The following ABCA2 variants were observed in gnomAD, a reference collection of about 807,000 sequenced individuals.
ABCA2 encodes the protein ATP-binding cassette sub-family A member 2.
Under a neutral mutation model 262.8 loss-of-function variants are expected in ABCA2, and 84 were observed. That is an observed-to-expected ratio of 0.32 (90% confidence interval 0.27 to 0.38). The LOEUF is 0.38. Among genes scored for constraint, ABCA2 ranks in the 10% least tolerant of loss-of-function variants. The pLI is 1.00. For synonymous variants in ABCA2, 1,696 were observed against 1,502.9 expected, an observed-to-expected ratio of 1.13 and a Z score of -2.97; for missense variants, 2,662 against 3,405.9, an observed-to-expected ratio of 0.78 and a Z score of 5.44.
chr9:137,023,259 C>A, intron 3 of ABCA2: 1 of 631,016 alleles, frequency 1.6e-6, no homozygotes, highest in Non-Finnish European at 2.9e-6. Flanking sequence ...TCCAGCAGGT[C>A]AGAGGTCAAA....
chr9:137,015,940 G>GCAC, intron 22 of ABCA2, 22 bp downstream of exon 22: 1 of 1,053,452 alleles, frequency 9.5e-7, no homozygotes, highest in South Asian at 3.2e-5. Flanking sequence ...CACCTGCCCC[G>GCAC]CCCCCCGCCC....
At position 137,014,230 on chromosome 9, in the gene ABCA2, A is replaced by G. The variant is rs372424297; in HGVS notation, c.4178T>C (p.Val1393Ala). Reference sequence around the variant, plus strand: ...AAAGAGGGGGCGGTAGTCGCCATAGACGTCGGTGTAGCCAGCTCCCTCGTC... The same window carrying G: ...AAAGAGGGGGCGGTAGTCGCCATAGGCGTCGGTGTAGCCAGCTCCCTCGTC... ...RGDEGAGYTD[V>A]YGDYRPLFDN... Residue 1393 changes from valine (V) to alanine (A), a missense_variant, in exon 27 of 49, where the codon GTC (valine) becomes GCC (alanine). This residue lies in a region of ABCA2 where 297 missense variants were observed against 286.5 expected (regional missense o/e 1.04). Transcript: ENST00000341511. 41 of 1,609,928 alleles carry G rather than the reference A, an allele frequency of 2.5e-5. No individual in the cohort carries two copies. Among genetic ancestry groups the G allele is most frequent in the Admixed American group, 1.7e-4 (10 of 59,716 alleles).
chr9:137,023,366 G>A (rs568068531), intron 3 of ABCA2: 23 of 702,202 alleles, frequency 3.3e-5, no homozygotes, highest in Non-Finnish European at 5.0e-5. Context: ...CCCCGAAAAC[G>A]TTTCAGGTGT....
At position 137,021,936 on chromosome 9, in the gene ABCA2, C is replaced by G. The variant is rs751609669; in HGVS notation, c.633G>C (p.Gln211His). 1 of 1,605,998 alleles carries G rather than the reference C, an allele frequency of 6.2e-7. No individual in the cohort carries two copies. Among genetic ancestry groups the G allele is most frequent in the Middle Eastern group, 1.7e-4 (1 of 6,056 alleles). Reference protein sequence around the residue: ...LDSQSGLHKGQEPWSRLGGNP... With the variant: ...LDSQSGLHKGHEPWSRLGGNP... Reference sequence around the variant, plus strand: ...TGCCCCCTAGGCGGCTCCAGGGCTCCTGACCCTTGTGGAGGCCAGACTGTG... The same window carrying G: ...TGCCCCCTAGGCGGCTCCAGGGCTCGTGACCCTTGTGGAGGCCAGACTGTG... Residue 211 changes from glutamine (Q) to histidine (H), a missense_variant, in exon 7 of 49, where the codon CAG (glutamine) becomes CAC (histidine). By Grantham distance (24) the Gln-to-His change is conservative. Transcript: ENST00000341511. The surrounding 1 kb of genome is among the most constrained non-coding windows in gnomAD (Gnocchi z 6.0).
upstream of ABCA2, chr9:137,028,912 C>T (rs1831763302): frequency 7.8e-7 from 1 of 1,290,088 alleles, no homozygotes; most frequent in East Asian, 6.3e-5. This position sits in a 1 kb window ranked among gnomAD's most constrained non-coding sequence, Gnocchi z 6.9. Context: ...AGTTCGGGAT[C>T]AGGCGGTTCT....
chr9:137,020,160 C>CCTGGAGCCCAGG, intron 10 of ABCA2, 176 bp downstream of exon 10: 1 of 818,320 alleles, frequency 1.2e-6, no homozygotes, highest in Non-Finnish European at 1.9e-6. Flanking sequence ...CTGGAGCTCC[C>CCTGGAGCCCAGG]GAAAGGAAAA....
intron 21 of ABCA2, 33 bp from the exon 22 acceptor site, chr9:137,016,207 C>T: frequency 3.1e-6 from 5 of 1,611,440 alleles, no homozygotes; most frequent in Non-Finnish European, 4.2e-6. Flanking sequence ...GACCCCACGC[C>T]CTCTGCAGGG....
At position 137,018,221 on chromosome 9, in the gene ABCA2, A is replaced by G. The variant is rs1401183845; in HGVS notation, c.1950T>C (p.Thr650=). ...CGTAGAGGAAGTAGAAGCGGCCGCCAGTATTGGGCCCAGGCCGCCAGTAGG... is the reference window on the plus strand; with the variant it reads ...CGTAGAGGAAGTAGAAGCGGCCGCCGGTATTGGGCCCAGGCCGCCAGTAGG... The part of the protein sequence containing the change: ...RRAYWRPGPN[T]GGRFYFLYGF... The change falls in exon 14 of 49, where the codon ACT becomes ACC. Residue 650 remains threonine, a synonymous_variant. Coordinates refer to ENST00000341511, the MANE Select transcript of ABCA2 (RefSeq NM_001606.5). The G allele has an allele frequency of 6.2e-7, 1 of 1,609,004 alleles. No individual in the cohort carries two copies. Among genetic ancestry groups the G allele is most frequent in the Non-Finnish European group, 8.5e-7 (1 of 1,179,398 alleles).
chr9:137,014,529 C>A, intron 26 of ABCA2, 125 bp from the exon 27 acceptor site: 1 of 1,446,482 alleles, frequency 6.9e-7, no homozygotes, highest in Non-Finnish European at 9.3e-7. Context: ...CTCTGGCCAC[C>A]AGGACCACCC....
rs371512708 is a variant in ABCA2, at chr9:137,016,117, G to C, written c.3162C>G (p.His1054Gln). ...TCTCATCCATCTCCGTGCGGATGTC[G>C]TGCCCGTAGATGGTGGCGGAACCCG... Reference protein sequence around the residue: ...PTSGSATIYGHDIRTEMDEIR... With the variant: ...PTSGSATIYGQDIRTEMDEIR... The change falls in exon 22 of 49, where the codon CAC becomes CAG. Residue 1054 changes from histidine (H) to glutamine (Q), a missense_variant. By Grantham distance (24) the His-to-Gln change is conservative. Coordinates refer to ENST00000341511, the MANE Select transcript of ABCA2 (RefSeq NM_001606.5). 1 of 1,612,836 alleles carries C rather than the reference G, an allele frequency of 6.2e-7. No homozygotes were observed. Among genetic ancestry groups the C allele is most frequent in the South Asian group, 1.1e-5 (1 of 91,090 alleles).
intron 28 of ABCA2, 91 bp downstream of exon 28, chr9:137,013,741 A>T (rs1380211337): frequency 1.2e-5 from 17 of 1,451,604 alleles, no homozygotes; most frequent in Non-Finnish European, 1.4e-5. Flanking sequence ...TGAGGCCCAG[A>T]GTCAGGAAGC....
rs369669594 is a variant in ABCA2, at chr9:137,015,661, G to A, written c.3514+14C>T. The A allele has an allele frequency of 3.1e-4, 495 of 1,609,494 alleles. 1 individual carries two copies. Among genetic ancestry groups the A allele is most frequent in the Middle Eastern group, 6.6e-4 (4 of 6,052 alleles). On this transcript the variant is annotated intron_variant, in intron 23 of 48. Coordinates refer to ENST00000341511, the MANE Select transcript of ABCA2 (RefSeq NM_001606.5). ...GCGCCGCCCGCACCCCTGCCCACAC[G>A]GCACCCCACTCACCTGGCTTGTACT... is the stretch of plus-strand genomic sequence containing the variant.
chr9:137,023,810 A>G lies in ABCA2; in HGVS notation c.163+28T>C, dbSNP rs1397221044. The G allele has an allele frequency of 7.9e-6, 6 of 759,996 alleles. No individual in the cohort carries two copies. In the East Asian group the frequency reaches 1.5e-4, roughly 19 times the overall value. The allele number at this position is 759,996 out of a possible 1,614,324, so 47.1% of individuals were successfully genotyped here. ...GCCCCCCGCAGCTGCTGCCCAGGCC[A>G]GCCAGGAGGAGGTGGCCGCTCACTT... On this transcript the variant is annotated intron_variant, in intron 3 of 48. Coordinates refer to ENST00000341511, the MANE Select transcript of ABCA2 (RefSeq NM_001606.5).
chr9:137,016,309 G>C lies in ABCA2; in HGVS notation c.3086C>G (p.Ala1029Gly), dbSNP rs1831257636. The change falls in exon 21 of 49, where the codon GCG (alanine) becomes GGG (glycine). Residue 1029 changes from alanine (A) to glycine (G), a missense_variant. Physicochemically the swap from Ala to Gly is moderately conservative, Grantham distance 60 (BLOSUM62 0). Coordinates refer to ENST00000341511, the MANE Select transcript of ABCA2 (RefSeq NM_001606.5). ...QVVSFLGHNG[A>G]GKTTTMSILT... ...CACTCACATGGTGGTGGTCTTGCCC[G>C]CCCCGTTGTGGCCCAAGAAGGAGAC... 3 of 1,612,722 alleles carry C rather than the reference G, an allele frequency of 1.9e-6. No individual in the cohort carries two copies. Among genetic ancestry groups the C allele is most frequent in the Non-Finnish European group, 2.5e-6 (3 of 1,179,938 alleles).
In ABCA2 at chr9:137,028,195, G is replaced by C. The variant is rs1831727268; in HGVS notation, c.-55C>G. 2.0e-6 allele frequency: 2 copies of C among 977,716 alleles called. No homozygotes were observed. The highest frequency in any genetic ancestry group is 2.3e-4 in the East Asian group (2 of 8,634). 60.6% of individuals were successfully genotyped at this position (977,716 alleles called of 1,614,324 possible). A position where few individuals can be genotyped will look rare whatever the true frequency, so the allele number is the denominator to read the frequency against. On this transcript the variant is annotated 5_prime_UTR_variant, in exon 1 of 49. Transcript: ENST00000341511. The surrounding 1 kb of genome is among the most constrained non-coding windows in gnomAD (Gnocchi z 6.9). ...CGCGGCCCGCTCCTCTGCGCGCCCC[G>C]CCGGGCCCCGCAGCCCGCCGCGCCG...
rs1831392676 is a variant in ABCA2, at chr9:137,019,911, C to T, written c.1425+425G>A. 1 of 223,570 alleles carries T rather than the reference C, an allele frequency of 4.5e-6. No individual in the cohort carries two copies. Among genetic ancestry groups the T allele is most frequent in the Admixed American group, 5.2e-5 (1 of 19,238 alleles). 13.8% of individuals were successfully genotyped at this position (223,570 alleles called of 1,614,324 possible). On this transcript the variant is annotated intron_variant, in intron 10 of 48. Transcript: ENST00000341511. This position sits in a 1 kb window ranked among gnomAD's most constrained non-coding sequence, Gnocchi z 4.4. ...ACCCTCATCCTAGGGACCCCCTCTA[C>T]ACCCAGGATTGGCCTCGTCCACAGG...
Position 137,020,309 on chromosome 9 carries a change from A to G in ABCA2, c.1425+27T>C, listed in dbSNP as rs761551335. 7.5e-6 allele frequency: 12 copies of G among 1,610,188 alleles called. 1 individual carries two copies. The South Asian group carries it at 7.7e-5, about 10-fold the overall frequency. On this transcript the variant is annotated intron_variant, in intron 10 of 48. Transcript: ENST00000341511. ...AGACCCCCTCCCACTCTGCCTGTCA[A>G]ACATGGAGCGTCCCAGACCCGTGCA... is the stretch of plus-strand genomic sequence containing the variant.
intron 6 of ABCA2, 57 bp downstream of exon 6, chr9:137,022,284 TCAGCAACCAG>T: frequency 6.8e-7 from 1 of 1,481,224 alleles, no homozygotes; most frequent in East Asian, 2.5e-5. Context: ...TGAGGATGGC[TCAGCAACCAG>T]GGGGCGTGGC....
rs768056378 is a variant in ABCA2, at chr9:137,021,874, C to T, written c.678+17G>A. 5 of 1,573,976 alleles carry T rather than the reference C, an allele frequency of 3.2e-6. No homozygotes were observed. Among genetic ancestry groups the T allele is most frequent in the Admixed American group, 3.7e-5 (2 of 54,000 alleles). On this transcript the variant is annotated intron_variant, in intron 7 of 48. Coordinates refer to ENST00000341511, the MANE Select transcript of ABCA2 (RefSeq NM_001606.5). This position sits in a 1 kb window ranked among gnomAD's most constrained non-coding sequence, Gnocchi z 6.0. Reference sequence around the variant, plus strand: ...CAGGCAGCACTCCAGGCCCATCCCACACATGGATGCCCTCACCTCCATCCG... The same window carrying T: ...CAGGCAGCACTCCAGGCCCATCCCATACATGGATGCCCTCACCTCCATCCG...
Sources: allele counts gnomAD v4.1 joint callset, GRCh38; gene constraint gnomAD v4.1.1; regional missense constraint gnomAD v4.1.1; non-coding constraint Gnocchi (gnomAD v3.1); transcripts MANE v1.5; gene names NCBI Gene and HGNC (gene_info 2026-07-23, HGNC 2026-07-21).